EYS: variants seen among roughly 807,000 people sequenced by gnomAD.
The protein encoded by EYS is protein eyes shut homolog.
Under a neutral mutation model 282.1 loss-of-function variants are expected in EYS, and 250 were observed. The ratio of observed to expected loss-of-function variants is 0.89; its 90% confidence interval spans 0.80 to 0.98. EYS has a LOEUF of 0.98. Among genes scored for constraint, EYS ranks in the 50% least tolerant of loss-of-function variants. The pLI, the probability that EYS is intolerant of heterozygous loss-of-function variation, is 0.00. For synonymous variants in EYS, 1,355 were observed against 1,282.9 expected, an observed-to-expected ratio of 1.06 and a Z score of -1.20; for missense variants, 4,016 against 3,709.0, an observed-to-expected ratio of 1.08 and a Z score of -2.15.
At chr6:64,450,109 C>T (rs1414570854) in intron 26 of EYS, among the ~76,000 whole-genome samples, 1 of 151,864 alleles carries the variant, frequency 6.6e-6, no homozygotes, top group Non-Finnish European at 1.5e-5. Flanking sequence ...ATTCAGGAAA[C>T]CCATCTCGCA....
At chr6:64,404,345 T>A (rs1377777323) in intron 28 of EYS, among the ~76,000 whole-genome samples, 2 of 151,932 alleles carry the variant, frequency 1.3e-5, no homozygotes, top group African/African-American at 4.8e-5. Context: ...TTTTGTTCCC[T>A]AGTCCTTTTT....
At chr6:65,370,276 A>C (rs1765091362) in intron 8 of EYS, among the ~76,000 whole-genome samples, 1 of 133,910 alleles carries the variant, frequency 7.5e-6, no homozygotes, top group Non-Finnish European at 1.6e-5. Context: ...TTTTTTTGAA[A>C]CAGGATCTTA....
chr6:65,045,650 G>A (rs956009607), intron 13 of EYS, among the ~76,000 whole-genome samples: 1 of 151,802 alleles, frequency 6.6e-6, no homozygotes, highest in Non-Finnish European at 1.5e-5. Flanking sequence ...AACTGTTTGT[G>A]CCTTGATGCT....
chr6:64,175,777 A>G (rs907542640), intron 31 of EYS, among the ~76,000 whole-genome samples: 23 of 152,152 alleles, frequency 1.5e-4, no homozygotes, highest in African/African-American at 5.1e-4. Context: ...AACTGTGGCT[A>G]GAATAAGAGC....
At chr6:64,157,311 G>A (rs533934196) in intron 31 of EYS, among the ~76,000 whole-genome samples, 9 of 152,168 alleles carry the variant, frequency 5.9e-5, no homozygotes, top group Admixed American at 1.3e-4. Flanking sequence ...CATTTGGGTT[G>A]CATTCAGTTT....
chr6:63,917,335 G>T (rs1242462068), intron 35 of EYS, among the ~76,000 whole-genome samples: 3 of 152,198 alleles, frequency 2.0e-5, no homozygotes, highest in Non-Finnish European at 4.4e-5. Flanking sequence ...TACATAATCT[G>T]CTCTCACTGT....
chr6:63,823,897 C>T (rs887100953), intron 36 of EYS, among the ~76,000 whole-genome samples: 3 of 152,084 alleles, frequency 2.0e-5, no homozygotes, highest in African/African-American at 7.2e-5. Flanking sequence ...CAAGTCCTTA[C>T]ATTTTTCTTC....
intron 26 of EYS, among the ~76,000 whole-genome samples, chr6:64,447,059 G>A (rs544878854): frequency 6.6e-6 from 1 of 151,754 alleles, no homozygotes; most frequent in African/African-American, 2.4e-5. Flanking sequence ...AAAATTTTAT[G>A]TATGACACTT....
chr6:64,071,020 A>C (rs145682010), intron 32 of EYS, among the ~76,000 whole-genome samples: 1 of 152,002 alleles, frequency 6.6e-6, no homozygotes, highest in Non-Finnish European at 1.5e-5. Context: ...CTCCACTTAA[A>C]AGGAAAAACC....
chr6:65,443,964 T>C (rs1421358501), intron 5 of EYS, among the ~76,000 whole-genome samples: 1 of 151,808 alleles, frequency 6.6e-6, no homozygotes, highest in Non-Finnish European at 1.5e-5. Context: ...CTAAGCTGGA[T>C]GGAACAAGTA....
intron 35 of EYS, among the ~76,000 whole-genome samples, chr6:63,925,240 T>G (rs1438240633): frequency 6.6e-6 from 1 of 152,164 alleles, no homozygotes; most frequent in East Asian, 1.9e-4. Context: ...AAAATGTACA[T>G]TTCCAGACAA....
intron 26 of EYS, among the ~76,000 whole-genome samples, chr6:64,521,168 G>T (rs1777721602): frequency 6.6e-6 from 1 of 151,784 alleles, no homozygotes; most frequent in Admixed American, 6.6e-5. Flanking sequence ...AGTTGCTATG[G>T]TTGGCCTAGA....
chr6:64,596,457 T>A (rs987140950), intron 24 of EYS, among the ~76,000 whole-genome samples: 2 of 152,174 alleles, frequency 1.3e-5, no homozygotes, highest in Admixed American at 1.3e-4. Flanking sequence ...TCTCTGACTT[T>A]AAATTATACT....
At chr6:65,039,800 G>A (rs968608742) in intron 13 of EYS, among the ~76,000 whole-genome samples, 1 of 151,514 alleles carries the variant, frequency 6.6e-6, no homozygotes, top group African/African-American at 2.4e-5. Flanking sequence ...GTAAAAAAGG[G>A]TGTATTTTGC....
At chr6:64,567,454 TCA>T (rs1453527254) in intron 26 of EYS, among the ~76,000 whole-genome samples, 7 of 152,130 alleles carry the variant, frequency 4.6e-5, no homozygotes, top group Admixed American at 4.6e-4. Flanking sequence ...GTATTATATA[TCA>T]CACACACAAA....
At chr6:64,727,580 AC>A (rs956087383) in intron 22 of EYS, among the ~76,000 whole-genome samples, 5 of 152,268 alleles carry the variant, frequency 3.3e-5, no homozygotes, top group South Asian at 4.1e-4. Flanking sequence ...TTCCGGAAAA[AC>A]AATCCTTGAA....
At chr6:65,398,395 T>C (rs1382523198) in intron 7 of EYS, among the ~76,000 whole-genome samples, 1 of 151,902 alleles carries the variant, frequency 6.6e-6, no homozygotes, top group Non-Finnish European at 1.5e-5. Flanking sequence ...ATTCAATAAA[T>C]AGTGCTGGGA....
chr6:64,526,228 A>G (rs1305214909), intron 26 of EYS, among the ~76,000 whole-genome samples: 1 of 151,768 alleles, frequency 6.6e-6, no homozygotes, highest in Non-Finnish European at 1.5e-5. Flanking sequence ...TGAAAGGTCA[A>G]CAGGAGGGAT....
At chr6:64,359,549 C>A (rs576008124) in intron 29 of EYS, among the ~76,000 whole-genome samples, 2 of 151,702 alleles carry the variant, frequency 1.3e-5, no homozygotes, top group Non-Finnish European at 3.0e-5. Context: ...AGTTCTTCGG[C>A]ATCTGTAACA....
Sources: allele counts gnomAD v4.1 joint callset (sites outside exome capture counted in the v4.1 genomes callset), GRCh38; gene constraint gnomAD v4.1.1; transcripts MANE v1.5; gene names NCBI Gene and HGNC (gene_info 2026-07-23, HGNC 2026-07-21).